TMED3: variants seen among roughly 807,000 people sequenced by gnomAD.
The protein encoded by TMED3 is transmembrane emp24 domain-containing protein 3.
TMED3 carries 9 observed loss-of-function variants against 15.0 expected under a neutral mutation model. That is an observed-to-expected ratio of 0.60 (90% confidence interval 0.36 to 1.04). TMED3 has a LOEUF of 1.04. TMED3 is among the 50% of genes least tolerant of loss of function. TMED3 has a pLI of 0.01. For missense variants in TMED3, 267 were observed against 278.9 expected, an observed-to-expected ratio of 0.96 and a Z score of 0.30; for synonymous variants, 117 against 121.4, an observed-to-expected ratio of 0.96 and a Z score of 0.24.
intron 2 of TMED3, among the ~76,000 whole-genome samples, chr15:79,362,246 G>T (rs1893143475): frequency 6.6e-6 from 1 of 151,286 alleles, no homozygotes; most frequent in South Asian, 2.1e-4. Context: ...AGGGAGGATT[G>T]CTTGAATCAA....
intron 2 of TMED3, among the ~76,000 whole-genome samples, chr15:79,405,240 T>C (rs1382934648): frequency 1.3e-5 from 2 of 152,212 alleles, no homozygotes; most frequent in Non-Finnish European, 2.9e-5. Flanking sequence ...ATAGCTTTGA[T>C]CTAGAACTCT....
At position 79,334,728 on chromosome 15, in the gene TMED3, C is replaced by T. The variant is rs183618015; in HGVS notation, c.417+20723C>T. Among the ~76,000 whole-genome samples, 377 of 152,122 alleles carry T rather than the reference C, an allele frequency of 2.5e-3. 1 individual carries two copies. The highest frequency in any genetic ancestry group is 4.4e-3 in the African/African-American group (184 of 41,488). On this transcript the variant is annotated intron_variant, in intron 2 of 2. Coordinates refer to the TMED3 transcript ENST00000424155. The stretch of plus-strand genomic sequence containing the variant: ...TAGAAGGCACGCAGGAAATGTATTT[C>T]GGAAGAATTACTCCAGGAAGTCAAA...
At chr15:79,333,198 CATTT>C (rs2058815806) in intron 2 of TMED3, among the ~76,000 whole-genome samples, 1 of 152,198 alleles carries the variant, frequency 6.6e-6, no homozygotes, top group Non-Finnish European at 1.5e-5. Context: ...TCCCCTGTGA[CATTT>C]ATTTAAGCAA....
chr15:79,330,832 GAC>G (rs1387416864), intron 2 of TMED3, among the ~76,000 whole-genome samples: 1 of 152,138 alleles, frequency 6.6e-6, no homozygotes, highest in African/African-American at 2.4e-5. Flanking sequence ...CATAAAAACA[GAC>G]ACATAGATCA....
At chr15:79,406,546 T>C (rs544711537) in intron 2 of TMED3, among the ~76,000 whole-genome samples, 3 of 152,244 alleles carry the variant, frequency 2.0e-5, no homozygotes, top group African/African-American at 7.2e-5. Context: ...ACAATTATTC[T>C]GGGAAGTAGC....
At chr15:79,409,751 C>T (rs188998395) in intron 2 of TMED3, among the ~76,000 whole-genome samples, 7 of 152,180 alleles carry the variant, frequency 4.6e-5, no homozygotes, top group East Asian at 3.9e-4. Flanking sequence ...TGCCTGGAGC[C>T]GAGTGACAGC....
chr15:79,314,008 G>A lies in TMED3; in HGVS notation c.417+3G>A. The A allele has an allele frequency of 6.2e-7, 1 of 1,614,128 alleles. No individual in the cohort carries two copies. The highest frequency in any genetic ancestry group is 8.5e-7 in the Non-Finnish European group (1 of 1,180,006). On this transcript the variant is annotated splice_donor_region_variant and intron_variant, in intron 2 of 2. Coordinates refer to ENST00000299705, the MANE Select transcript of TMED3 (RefSeq NM_007364.4). Reference sequence around the variant, plus strand: ...ACAGGGTCACAGCTCTCACCCAGGTGAGTGAACATTAGCAGTTCGGGGCTG... The same window carrying A: ...ACAGGGTCACAGCTCTCACCCAGGTAAGTGAACATTAGCAGTTCGGGGCTG...
intron 2 of TMED3, among the ~76,000 whole-genome samples, chr15:79,367,335 C>G (rs1042307844): frequency 6.7e-6 from 1 of 148,750 alleles, no homozygotes; most frequent in Admixed American, 6.7e-5. Flanking sequence ...TGCAGTAGGA[C>G]CAGCGATCCA....
At chr15:79,328,973 T>C (rs754614699) in intron 2 of TMED3, among the ~76,000 whole-genome samples, 3 of 152,186 alleles carry the variant, frequency 2.0e-5, no homozygotes, top group Non-Finnish European at 2.9e-5. Context: ...TATGGGACAA[T>C]AGCAGGTAGA....
At chr15:79,341,178 G>T (rs1167549052) in intron 2 of TMED3, among the ~76,000 whole-genome samples, 1 of 109,244 alleles carries the variant, frequency 9.2e-6, no homozygotes, top group Non-Finnish European at 1.7e-5. Flanking sequence ...GAGTGACACA[G>T]CAGCAAGACC....
intron 2 of TMED3, among the ~76,000 whole-genome samples, chr15:79,345,377 C>T (rs1210454288): frequency 6.6e-6 from 1 of 152,142 alleles, no homozygotes; most frequent in African/African-American, 2.4e-5. Context: ...TTAGCTCTCA[C>T]TTATAAGTGA....
Position 79,322,171 on chromosome 15 carries a change from T to C in TMED3, c.611T>C (p.Phe204Ser), listed in dbSNP as rs755421455. The C allele has an allele frequency of 1.5e-5, 25 of 1,614,096 alleles. No homozygotes were observed. In the East Asian group the frequency reaches 5.1e-4, roughly 33 times the overall value. The change falls in exon 3 of 3, where the codon TTC (phenylalanine) becomes TCC (serine). Residue 204 changes from phenylalanine to serine, a missense_variant. Physicochemically the swap from Phe to Ser is radical, Grantham distance 155. Transcript: ENST00000299705. ...AGTCAGGTGCTACTGTTGAAAAGCT[T>C]CTTCACAGAAAAACGACCCATCAGC... ...SFSQVLLLKSFFTEKRPISRA... is the reference protein window; with the variant it reads ...SFSQVLLLKSSFTEKRPISRA...
At chr15:79,314,609 A>C (rs541697846) in intron 2 of TMED3, 1 of 453,288 alleles carries the variant, frequency 2.2e-6, no homozygotes, top group East Asian at 7.0e-5. Flanking sequence ...TACTTCTTAA[A>C]AGCCCAGGCC....
chr15:79,317,699 C>A (rs1311173990), intron 2 of TMED3, among the ~76,000 whole-genome samples: 1 of 152,198 alleles, frequency 6.6e-6, no homozygotes, highest in African/African-American at 2.4e-5. Flanking sequence ...CTCCATCCCT[C>A]CCACTGATTT....
chr15:79,366,317 G>A (rs1442167161), intron 2 of TMED3, among the ~76,000 whole-genome samples: 1 of 152,210 alleles, frequency 6.6e-6, no homozygotes, highest in South Asian at 2.1e-4. Context: ...TGCTGATTCT[G>A]CCCATTGCTC....
At chr15:79,352,837 T>TAAATATATAAAATATAC (rs1160054809) in intron 2 of TMED3, among the ~76,000 whole-genome samples, 1 of 126,508 alleles carries the variant, frequency 7.9e-6, no homozygotes, top group Non-Finnish European at 1.6e-5. Context: ...ATTTTATATA[T>TAAATATATAAAATATAC]ATATATATAA....
chr15:79,314,453 T>A, intron 2 of TMED3: 1 of 433,978 alleles, frequency 2.3e-6, no homozygotes. Flanking sequence ...ATGCATAATC[T>A]AGAAAAGGTT....
chr15:79,368,987 C>A (rs1178558223), intron 2 of TMED3, among the ~76,000 whole-genome samples: 1 of 151,398 alleles, frequency 6.6e-6, no homozygotes, highest in African/African-American at 2.4e-5. Context: ...CCCCGCTACT[C>A]GAGAGGCTGA....
intron 2 of TMED3, among the ~76,000 whole-genome samples, chr15:79,338,153 T>C (rs563287678): frequency 1.6e-4 from 24 of 152,326 alleles, no homozygotes; most frequent in African/African-American, 5.8e-4. Flanking sequence ...AGTAAAATTA[T>C]AAAAACACAG....
Sources: gnomAD v4.1 joint callset for allele counts (sites outside exome capture counted in the v4.1 genomes callset) on GRCh38, gnomAD v4.1.1 for gene constraint, MANE v1.5 for transcripts, NCBI Gene and HGNC (gene_info 2026-07-23, HGNC 2026-07-21) for gene names.